Variants in MMP16 observed in about 807,000 individuals in gnomAD.
MMP16 encodes matrix metallopeptidase 16, also known as matrix metalloproteinase-16.
Under a neutral mutation model 67.8 loss-of-function variants are expected in MMP16, and 12 were observed. The observed-to-expected ratio is 0.18, with a 90% CI of 0.11 to 0.29. MMP16 has a LOEUF of 0.29. Ranked by LOEUF, MMP16 falls within the 10% of genes least tolerant of loss-of-function variation. MMP16 has a pLI of 1.00. For missense variants in MMP16, 475 were observed against 765.7 expected, an observed-to-expected ratio of 0.62 and a Z score of 4.48; for synonymous variants, 249 against 255.9, an observed-to-expected ratio of 0.97 and a Z score of 0.26.
intron 6 of MMP16, among the ~76,000 whole-genome samples, chr8:88,080,997 T>G: frequency 6.6e-6 from 1 of 152,078 alleles, no homozygotes; most frequent in East Asian, 1.9e-4. Context: ...CAGTATGAGA[T>G]TTCAGAGGCA....
chr8:88,279,053 C>G (rs1034658030), intron 1 of MMP16, among the ~76,000 whole-genome samples: 1 of 152,100 alleles, frequency 6.6e-6, no homozygotes, highest in African/African-American at 2.4e-5. Flanking sequence ...GAAACCCCAT[C>G]TCTACTAAAA....
At chr8:88,214,493 T>G (rs1452186358) in intron 1 of MMP16, among the ~76,000 whole-genome samples, 1 of 151,990 alleles carries the variant, frequency 6.6e-6, no homozygotes, top group Non-Finnish European at 1.5e-5. Context: ...AACCTTTTAG[T>G]TTTTTTTCAT....
chr8:88,148,291 A>G (rs546422811), intron 4 of MMP16, among the ~76,000 whole-genome samples: 2 of 152,164 alleles, frequency 1.3e-5, no homozygotes, highest in Non-Finnish European at 2.9e-5. Context: ...TATGTATCTT[A>G]ATTTCATAAA....
At chr8:88,075,533 A>G (rs1808632783) in intron 6 of MMP16, among the ~76,000 whole-genome samples, 1 of 152,236 alleles carries the variant, frequency 6.6e-6, no homozygotes, top group Non-Finnish European at 1.5e-5. Context: ...GGGCAAAAAA[A>G]CCCAAAAACA....
chr8:88,257,965 A>G (rs1355576704), intron 1 of MMP16, among the ~76,000 whole-genome samples: 1 of 152,176 alleles, frequency 6.6e-6, no homozygotes, highest in Non-Finnish European at 1.5e-5. Context: ...GGCTAATGGT[A>G]AGGAATAGTC....
At chr8:88,270,180 T>G (rs1208578527) in intron 1 of MMP16, among the ~76,000 whole-genome samples, 1 of 152,196 alleles carries the variant, frequency 6.6e-6, no homozygotes, top group African/African-American at 2.4e-5. Context: ...GTTGACTAAA[T>G]GCATTACAGG....
intron 1 of MMP16, among the ~76,000 whole-genome samples, chr8:88,217,751 A>G (rs7357573): frequency 0.17 from 26,474 of 152,130 alleles, 2,448 homozygotes; most frequent in South Asian, 0.2. Context: ...TACAAATTTA[A>G]AAATAAAAAT....
chr8:88,124,813 C>G (rs1303318623), intron 4 of MMP16, among the ~76,000 whole-genome samples: 1 of 151,948 alleles, frequency 6.6e-6, no homozygotes, highest in Admixed American at 6.6e-5. Flanking sequence ...GAGCTCAGGG[C>G]ACCAGCATGG....
chr8:88,170,756 G>A (rs1586187527), intron 3 of MMP16, among the ~76,000 whole-genome samples: 1 of 152,298 alleles, frequency 6.6e-6, no homozygotes, highest in Admixed American at 6.5e-5. Flanking sequence ...CAGCCAGAGG[G>A]AATGGTGAGA....
At chr8:88,087,595 G>A (rs1431745088) in intron 6 of MMP16, among the ~76,000 whole-genome samples, 1 of 151,750 alleles carries the variant, frequency 6.6e-6, no homozygotes, top group African/African-American at 2.4e-5. Context: ...CACACGAGAG[G>A]AATTTCACTA....
intron 4 of MMP16, among the ~76,000 whole-genome samples, chr8:88,140,326 G>A (rs1455695921): frequency 6.6e-6 from 1 of 152,172 alleles, no homozygotes. Flanking sequence ...GGGAGAGACA[G>A]AAAGGGTTAG....
At chr8:88,231,358 T>A (rs986727149) in intron 1 of MMP16, among the ~76,000 whole-genome samples, 1 of 152,210 alleles carries the variant, frequency 6.6e-6, no homozygotes, top group African/African-American at 2.4e-5. Flanking sequence ...CTGCAATTCA[T>A]TTGATCAGTT....
At chr8:88,315,343 T>C (rs1375442091) in intron 1 of MMP16, among the ~76,000 whole-genome samples, 1 of 152,178 alleles carries the variant, frequency 6.6e-6, no homozygotes, top group Non-Finnish European at 1.5e-5. Flanking sequence ...GTGGTTAGTG[T>C]TCTTTTTCTT....
intron 1 of MMP16, among the ~76,000 whole-genome samples, chr8:88,318,958 G>A (rs1019464242): frequency 6.6e-6 from 1 of 152,124 alleles, no homozygotes; most frequent in Non-Finnish European, 1.5e-5. Context: ...CAGGGACTGA[G>A]ACACCATGTT....
chr8:88,181,150 C>G (rs1288392648), intron 3 of MMP16, among the ~76,000 whole-genome samples: 1 of 151,844 alleles, frequency 6.6e-6, no homozygotes, highest in South Asian at 2.1e-4. Context: ...GTTCTTACCA[C>G]TCCTACTCAA....
At chr8:88,171,464 G>A (rs1808802704) in intron 3 of MMP16, among the ~76,000 whole-genome samples, 1 of 152,162 alleles carries the variant, frequency 6.6e-6, no homozygotes, top group Non-Finnish European at 1.5e-5. Context: ...CATTAAGGTT[G>A]AAAAACGTGA....
chr8:88,296,670 C>T (rs1316957059), intron 1 of MMP16, among the ~76,000 whole-genome samples: 1 of 151,704 alleles, frequency 6.6e-6, no homozygotes, highest in Non-Finnish European at 1.5e-5. Context: ...CCTTTCTCTA[C>T]TAAAAATACA....
intron 7 of MMP16, among the ~76,000 whole-genome samples, chr8:88,072,873 G>A (rs756675048): frequency 6.6e-6 from 1 of 152,130 alleles, no homozygotes; most frequent in African/African-American, 2.4e-5. Flanking sequence ...GGGCAGGGAG[G>A]CCACTGGAGG....
intron 1 of MMP16, among the ~76,000 whole-genome samples, chr8:88,304,177 C>CT: frequency 6.6e-6 from 1 of 152,006 alleles, no homozygotes; most frequent in East Asian, 1.9e-4. Context: ...GCAGAATAGA[C>CT]TAAGTGGGGA....
Sources: allele counts gnomAD v4.1 joint callset (sites outside exome capture counted in the v4.1 genomes callset), GRCh38; gene constraint gnomAD v4.1.1; transcripts MANE v1.5; gene names NCBI Gene and HGNC (gene_info 2026-07-23, HGNC 2026-07-21).